Variants in PAX8 observed in about 807,000 individuals in gnomAD.
PAX8 encodes the protein paired box 8.
Under a neutral mutation model 52.4 loss-of-function variants are expected in PAX8, and 15 were observed. The ratio of observed to expected loss-of-function variants is 0.29; its 90% CI spans 0.19 to 0.44. PAX8 has a LOEUF of 0.44. Among genes scored for constraint, PAX8 ranks in the 20% least tolerant of loss-of-function variants. PAX8 has a pLI of 1.00. For synonymous variants in PAX8, 284 were observed against 249.7 expected, an observed-to-expected ratio of 1.14 and a Z score of -1.29; for missense variants, 554 against 602.5, an observed-to-expected ratio of 0.92 and a Z score of 0.84.
intron 2 of PAX8, chr2:113,272,437 A>G (rs1693523575): frequency 1.3e-5 from 2 of 152,158 alleles, no homozygotes; most frequent in African/African-American, 4.8e-5. Flanking sequence ...CTAACTCTGG[A>G]CCTAAGGAAA....
At chr2:113,250,694 A>ACATTCTTC (rs1455182486) in intron 2 of PAX8, 4 of 152,332 alleles carry the variant, frequency 2.6e-5, no homozygotes, top group Non-Finnish European at 5.9e-5. Context: ...GACAATAATA[A>ACATTCTTC]TGATTGTTTG....
intron 2 of PAX8, among the ~76,000 whole-genome samples, chr2:113,262,569 G>T (rs1692767568): frequency 6.6e-6 from 1 of 152,170 alleles, no homozygotes; most frequent in Non-Finnish European, 1.5e-5. Context: ...GTTATGAATT[G>T]AATAGTCTCT....
chr2:113,235,710 T>A, intron 8 of PAX8, 128 bp from the exon 9 acceptor site: 1 of 710,732 alleles, frequency 1.4e-6, no homozygotes, highest in Non-Finnish European at 2.3e-6. Context: ...GCCCTCAGAG[T>A]CTGGGCTGGG....
intron 2 of PAX8, chr2:113,272,874 C>G (rs1357685460): frequency 6.6e-6 from 1 of 152,170 alleles, no homozygotes; most frequent in Non-Finnish European, 1.5e-5. Context: ...ATACTAAATT[C>G]TATCTCTGAA....
chr2:113,242,701 C>A lies in PAX8; in HGVS notation c.467G>T (p.Gly156Val). Reference sequence around the variant, plus strand: ...CTCTCAGCACTCACTCAGCGTGTGTCCGGGACTCAGGGACTTGGTGGCCAC... The same window carrying A: ...CTCTCAGCACTCACTCAGCGTGTGTACGGGACTCAGGGACTTGGTGGCCAC... The part of the protein sequence containing the change: ...SCVATKSLSP[G>V]HTLIPSSAVT... Residue 156 changes from glycine to valine, a missense_variant, in exon 5 of 12, where the codon GGA becomes GTA. Gly to Val is a moderately radical substitution (Grantham distance 109). Coordinates refer to ENST00000429538, the MANE Select transcript of PAX8 (RefSeq NM_003466.4). The A allele has an allele frequency of 6.2e-7, 1 of 1,612,786 alleles. No individual in the cohort carries two copies. The highest frequency in any genetic ancestry group is 1.1e-5 in the South Asian group (1 of 91,038).
At chr2:113,219,394 T>C (rs1039416631) in intron 11 of PAX8, among the ~76,000 whole-genome samples, 2 of 152,142 alleles carry the variant, frequency 1.3e-5, no homozygotes, top group African/African-American at 4.8e-5. Flanking sequence ...GAGGCTCTAG[T>C]GGGATCCCTC....
intron 2 of PAX8, among the ~76,000 whole-genome samples, chr2:113,256,864 G>A (rs1278894084): frequency 6.6e-6 from 1 of 151,938 alleles, no homozygotes; most frequent in East Asian, 1.9e-4. Context: ...CCTTCTAAGT[G>A]TGCCAAGTGA....
At chr2:113,248,205 C>T (rs368109166) in intron 2 of PAX8, among the ~76,000 whole-genome samples, 9 of 152,206 alleles carry the variant, frequency 5.9e-5, no homozygotes, top group South Asian at 2.1e-4. Flanking sequence ...GACTGGGGCT[C>T]AGAGAGTTTT....
intron 2 of PAX8, among the ~76,000 whole-genome samples, chr2:113,277,437 T>C (rs1311999448): frequency 1.3e-5 from 2 of 152,164 alleles, no homozygotes; most frequent in Non-Finnish European, 2.9e-5. Context: ...CGGGACATCA[T>C]ATTCGCGGAG....
chr2:113,217,898 C>T lies in PAX8; in HGVS notation c.*635G>A, dbSNP rs922475496. 2 of 233,106 alleles carry T rather than the reference C, an allele frequency of 8.6e-6. No individual in the cohort carries two copies. Among genetic ancestry groups the T allele is most frequent in the Non-Finnish European group, 1.7e-5 (2 of 118,052 alleles). 14.4% of individuals were successfully genotyped at this position (233,106 alleles called of 1,614,324 possible). ...GCAGGCAAAAGAGGTCAGCTGACAG[C>T]CTGGTGGAATTTCTGAGGGACTCGC... On this transcript the variant is annotated 3_prime_UTR_variant, in exon 12 of 12. Coordinates refer to ENST00000429538, the MANE Select transcript of PAX8 (RefSeq NM_003466.4).
intron 3 of PAX8, 104 bp from the exon 4 acceptor site, chr2:113,244,728 GTAT>G (rs1346131940): frequency 9.6e-7 from 1 of 1,039,416 alleles, no homozygotes; most frequent in East Asian, 2.4e-5. Context: ...CTGGGTAGGG[GTAT>G]GAGAGTGAAA....
chr2:113,226,011 C>T (rs1223087083), intron 10 of PAX8: 2 of 985,528 alleles, frequency 2.0e-6, no homozygotes, highest in Non-Finnish European at 1.2e-6. Flanking sequence ...ATTTTCAACG[C>T]TGCATTAAGC....
chr2:113,247,576 G>A (rs991770670), intron 2 of PAX8, among the ~76,000 whole-genome samples: 1 of 152,174 alleles, frequency 6.6e-6, no homozygotes, highest in African/African-American at 2.4e-5. Flanking sequence ...CACAGGCATA[G>A]ATAGCACTGG....
At chr2:113,222,378 C>A (rs1186444084) in intron 10 of PAX8, among the ~76,000 whole-genome samples, 1 of 152,250 alleles carries the variant, frequency 6.6e-6, no homozygotes, top group Non-Finnish European at 1.5e-5. Context: ...TTCACTCACT[C>A]ACCCACTTAT....
At chr2:113,230,181 TC>T (rs1689806538) in intron 9 of PAX8, among the ~76,000 whole-genome samples, 2 of 152,116 alleles carry the variant, frequency 1.3e-5, no homozygotes. Context: ...TGGGAGGTGG[TC>T]TTGACTCTCA....
rs201915879 is a variant in PAX8, at chr2:113,273,474, T to C, written c.25+4896A>G. On this transcript the variant is annotated intron_variant, in intron 2 of 11. Coordinates refer to ENST00000429538, the MANE Select transcript of PAX8 (RefSeq NM_003466.4). ...AACCAGCTTTACTCTTTGATCTAGATGGGAATCCTTTCCTTTGCATTCAAG... is the reference window on the plus strand; with the variant it reads ...AACCAGCTTTACTCTTTGATCTAGACGGGAATCCTTTCCTTTGCATTCAAG... 2.0e-4 allele frequency: 31 copies of C among 152,248 alleles called. No individual in the cohort carries two copies. In the East Asian group the frequency reaches 5.6e-3, roughly 27 times the overall value. 9.4% of individuals were successfully genotyped at this position (152,248 alleles called of 1,614,324 possible).
chr2:113,253,794 G>T (rs987888375), intron 2 of PAX8, among the ~76,000 whole-genome samples: 3 of 152,226 alleles, frequency 2.0e-5, no homozygotes, highest in African/African-American at 7.2e-5. Context: ...TATAACTGCT[G>T]TTTGGAATCT....
chr2:113,266,897 A>G (rs1693104681), intron 2 of PAX8: 1 of 152,246 alleles, frequency 6.6e-6, no homozygotes, highest in Non-Finnish European at 1.5e-5. Flanking sequence ...ACTGTTTGAA[A>G]GTGTTTATGA....
chr2:113,278,530 C>G (rs780418964), intron 1 of PAX8, 61 bp from the exon 2 acceptor site: 268 of 1,372,352 alleles, frequency 2.0e-4, no homozygotes, highest in Non-Finnish European at 2.6e-4. Context: ...CATCCTCAGG[C>G]CCCCTCCCCA....
Sources: allele counts gnomAD v4.1 joint callset (sites outside exome capture counted in the v4.1 genomes callset), GRCh38; gene constraint gnomAD v4.1.1; transcripts MANE v1.5; gene names NCBI Gene and HGNC (gene_info 2026-07-23, HGNC 2026-07-21).